The following ITGA7 variants were observed in gnomAD, a reference collection of about 807,000 sequenced individuals.
ITGA7 encodes integrin alpha-7.
Under a neutral mutation model 131.6 loss-of-function variants are expected in ITGA7, and 84 were observed. The ratio of observed to expected loss-of-function variants is 0.64; its 90% CI spans 0.54 to 0.77. ITGA7 has a LOEUF of 0.77. Ranked by LOEUF, ITGA7 falls within the 30% of genes least tolerant of loss-of-function variation. ITGA7 has a pLI of 0.00. For synonymous variants in ITGA7, 548 were observed against 600.7 expected (o/e 0.91, Z 1.28); for missense variants, 1,399 against 1,482.9 (o/e 0.94, Z 0.93).
upstream of ITGA7, among the ~76,000 whole-genome samples, chr12:55,713,554 T>C (rs1413681950): frequency 6.6e-6 from 1 of 152,240 alleles, no homozygotes. Flanking sequence ...TCTGCAAATT[T>C]GGGATACTCG....
At chr12:55,710,946 G>T (rs900810697), upstream of ITGA7, among the ~76,000 whole-genome samples, 1 of 152,128 alleles carries the variant, frequency 6.6e-6, no homozygotes, top group Non-Finnish European at 1.5e-5. Flanking sequence ...CTTGATTGTG[G>T]TGGTGATTAT....
At chr12:55,690,971 G>T (rs929568755) in intron 21 of ITGA7, among the ~76,000 whole-genome samples, 1 of 151,942 alleles carries the variant, frequency 6.6e-6, no homozygotes, top group African/African-American at 2.4e-5. Context: ...GACTGTTGTG[G>T]GGTGGGGGCA....
intron 24 of ITGA7, chr12:55,686,115 T>C: frequency 1.4e-6 from 1 of 689,880 alleles, no homozygotes; most frequent in Non-Finnish European, 2.2e-6. Context: ...TGAACATTCC[T>C]GATCCCCTGA....
intron 1 of ITGA7, among the ~76,000 whole-genome samples, chr12:55,706,152 G>T (rs1025846882): frequency 6.6e-6 from 1 of 152,240 alleles, no homozygotes; most frequent in Non-Finnish European, 1.5e-5. Flanking sequence ...AAATAGCTTA[G>T]AGAGTTCAGC....
At position 55,694,403 on chromosome 12, in the gene ITGA7, G is replaced by A. The variant is rs201495366; in HGVS notation, c.2357+40C>T. 1.3e-4 allele frequency: 216 copies of A among 1,612,358 alleles called. No individual in the cohort carries two copies. Among genetic ancestry groups the A allele is most frequent in the Non-Finnish European group, 1.7e-4 (195 of 1,178,508 alleles). On this transcript the variant is annotated intron_variant, in intron 17 of 24. Transcript: ENST00000257879. This position sits in a 1 kb window ranked among gnomAD's most constrained non-coding sequence, Gnocchi z 5.3. Reference sequence around the variant, plus strand: ...CCAAGGGGTCAGATGAGGTCAATATGACTACCCCCACCTCACCCTTCCGGC... The same window carrying A: ...CCAAGGGGTCAGATGAGGTCAATATAACTACCCCCACCTCACCCTTCCGGC...
intron 13 of ITGA7, among the ~76,000 whole-genome samples, chr12:55,695,937 T>C (rs1001705784): frequency 6.6e-6 from 1 of 151,966 alleles, no homozygotes; most frequent in Non-Finnish European, 1.5e-5. Context: ...CGGGAAAAGA[T>C]GTCAAGGGCA....
chr12:55,700,999 G>A lies in ITGA7; in HGVS notation c.570C>T (p.Gly190=). 1 of 1,614,214 alleles carries A rather than the reference G, an allele frequency of 6.2e-7. No homozygotes were observed. Among genetic ancestry groups the A allele is most frequent in the Non-Finnish European group, 8.5e-7 (1 of 1,180,034 alleles). ...GCTGGCAGAACCCAAATTGTTCATG[G>A]CCTTGGGGGCGTCCCTCACAGAACT... ...EWKFCEGRPQ[G]HEQFGFCQQG... Residue 190 remains glycine (G), a synonymous_variant, in exon 4 of 25, where the codon GGC becomes GGT. Coordinates refer to ENST00000257879, the MANE Select transcript of ITGA7 (RefSeq NM_002206.3).
chr12:55,692,192 C>G (rs1269633526), intron 21 of ITGA7, among the ~76,000 whole-genome samples: 1 of 152,204 alleles, frequency 6.6e-6, no homozygotes, highest in African/African-American at 2.4e-5. Context: ...GCAGACAGAT[C>G]GCTCGAGGTT....
chr12:55,693,045 C>T, intron 20 of ITGA7, 70 bp from the exon 21 acceptor site: 1 of 1,612,482 alleles, frequency 6.2e-7, no homozygotes, highest in South Asian at 1.1e-5. Context: ...AATCTCCTCC[C>T]CACCGCCTTC....
intron 4 of ITGA7, 186 bp from the exon 5 acceptor site, chr12:55,700,175 G>A: frequency 1.3e-6 from 2 of 1,492,008 alleles, no homozygotes; most frequent in Non-Finnish European, 1.8e-6. Context: ...GACAGAAACA[G>A]AGACAGAAGG....
At chr12:55,686,347 A>G (rs1189333031) in intron 24 of ITGA7, 4 of 1,241,524 alleles carry the variant, frequency 3.2e-6, no homozygotes, top group African/African-American at 3.1e-5. Context: ...GGGCAGAGGA[A>G]GCAGAGGATG....
intron 1 of ITGA7, among the ~76,000 whole-genome samples, chr12:55,704,091 G>A (rs1308532843): frequency 6.6e-6 from 1 of 152,228 alleles, no homozygotes; most frequent in Admixed American, 6.5e-5. Flanking sequence ...AGGCGGGGGT[G>A]AGGTAAGATG....
chr12:55,703,711 CCCT>C (rs1176509122), intron 1 of ITGA7, among the ~76,000 whole-genome samples: 1 of 152,108 alleles, frequency 6.6e-6, no homozygotes. Context: ...ACCCACTGCC[CCCT>C]CATCAGGGAC....
intron 12 of ITGA7, 120 bp downstream of exon 12, chr12:55,696,779 C>A: frequency 8.8e-7 from 1 of 1,135,994 alleles, no homozygotes; most frequent in East Asian, 2.4e-5. Flanking sequence ...ACAGGTTTCC[C>A]ACGTGTCTAG....
chr12:55,687,169 C>CTTTTTT (rs1187388992), intron 24 of ITGA7, among the ~76,000 whole-genome samples: 7 of 88,174 alleles, frequency 7.9e-5, no homozygotes, highest in South Asian at 3.8e-4. Context: ...CATCTGATTT[C>CTTTTTT]TTTTTTTTTT....
Position 55,694,302 on chromosome 12 carries a change from A to G in ITGA7, c.2386T>C (p.Ser796Pro), listed in dbSNP as rs748693778. ...TISEQELHPV[S>P]ARARVFIELP... Reference sequence around the variant, plus strand: ...TCAATGAAGACACGGGCTCGTGCAGAGACTGGATGCAGCTCCTGCTCACTG... The same window carrying G: ...TCAATGAAGACACGGGCTCGTGCAGGGACTGGATGCAGCTCCTGCTCACTG... The change falls in exon 18 of 25, where the codon TCT becomes CCT. Residue 796 changes from serine (S) to proline (P), a missense_variant. Ser to Pro is a moderately conservative substitution (Grantham distance 74). Coordinates refer to ENST00000257879, the MANE Select transcript of ITGA7 (RefSeq NM_002206.3). This position sits in a 1 kb window ranked among gnomAD's most constrained non-coding sequence, Gnocchi z 5.3. 4 of 1,613,994 alleles carry G rather than the reference A, an allele frequency of 2.5e-6. No individual in the cohort carries two copies. The highest frequency in any genetic ancestry group is 3.4e-6 in the Non-Finnish European group (4 of 1,180,010).
rs1323588651 is a variant in ITGA7, at chr12:55,696,966, G to A, written c.1670C>T (p.Ala557Val). Residue 557 changes from alanine to valine, a missense_variant, in exon 12 of 25, where the codon GCC becomes GTC. By Grantham distance (64) the Ala-to-Val change is moderately conservative. Transcript: ENST00000257879. ...SRNLEEPKHQ[A>V]SGTVWLKHQH... is the part of the protein sequence containing the mutation. The stretch of plus-strand genomic sequence containing the variant: ...GTGCTTCAGCCACACGGTGCCCGAG[G>A]CCTGGTGCTTGGGTTCTTCCAGGTT... The A allele has an allele frequency of 1.2e-6, 2 of 1,614,026 alleles. No homozygotes were observed. The highest frequency in any genetic ancestry group is 2.7e-5 in the African/African-American group (2 of 74,940).
Position 55,701,583 on chromosome 12 carries a change from CT to C in ITGA7, c.415-430del, listed in dbSNP as rs11356595. Among the ~76,000 whole-genome samples the C allele has an allele frequency of 0.6, 87,635 of 145,022 alleles. 26,321 individuals are homozygous for C. Among genetic ancestry groups the C allele is most frequent in the East Asian group, 0.93 (4,549 of 4,896 alleles). ...TGTCCGCTTCACTCTCCAAGTATTA[CT>C]TTTTTTTTTTTTTTGAAGCAAGGTC... On this transcript the variant is annotated intron_variant, in intron 3 of 24. Coordinates refer to ENST00000257879, the MANE Select transcript of ITGA7 (RefSeq NM_002206.3).
At chr12:55,700,761 G>T in intron 4 of ITGA7, 138 bp downstream of exon 4, 1 of 1,106,860 alleles carries the variant, frequency 9.0e-7, no homozygotes, top group Non-Finnish European at 1.3e-6. Flanking sequence ...AGCTCAATGG[G>T]GTGGAAGGCA....
Sources: gnomAD v4.1 joint callset for allele counts (sites outside exome capture counted in the v4.1 genomes callset) on GRCh38, gnomAD v4.1.1 for gene constraint, Gnocchi (gnomAD v3.1) non-coding constraint, MANE v1.5 for transcripts, NCBI Gene and HGNC (gene_info 2026-07-23, HGNC 2026-07-21) for gene names.